The following PPARGC1A variants were observed in gnomAD, a reference collection of about 807,000 sequenced individuals.
PPARGC1A encodes peroxisome proliferator-activated receptor gamma coactivator 1-alpha.
In PPARGC1A, 25 loss-of-function variants were observed where a neutral mutation model predicts 88.7. The ratio of observed to expected loss-of-function variants is 0.28; its 90% CI spans 0.21 to 0.39. The LOEUF (loss-of-function observed/expected upper bound fraction) is 0.39, where lower values mean the gene tolerates loss of function less well. Among genes scored for constraint, PPARGC1A ranks in the 10% least tolerant of loss-of-function variants. The pLI, the probability that PPARGC1A is intolerant of heterozygous loss-of-function variation, is 1.00. For synonymous variants in PPARGC1A, 363 were observed against 355.6 expected, an observed-to-expected ratio of 1.02 and a Z score of -0.24; for missense variants, 880 against 968.7, an observed-to-expected ratio of 0.91 and a Z score of 1.22.
chr4:24,400,041 C>T, the PPARGC1A span, among the ~76,000 whole-genome samples: 2 of 152,040 alleles, frequency 1.3e-5, no homozygotes, highest in Admixed American at 1.3e-4. Context: ...CCGCCTCAGC[C>T]TCCCAAAATG....
At chr4:24,300,892 G>C in the PPARGC1A span, among the ~76,000 whole-genome samples, 1 of 152,016 alleles carries the variant, frequency 6.6e-6, no homozygotes, top group Non-Finnish European at 1.5e-5. Flanking sequence ...TGAAACATAG[G>C]AACAGTGGCT....
the PPARGC1A span, among the ~76,000 whole-genome samples, chr4:24,247,044 T>C: frequency 1.3e-5 from 2 of 152,350 alleles, no homozygotes; most frequent in East Asian, 1.9e-4. Context: ...TCTTTCTTCC[T>C]TGAGTCTTGG....
the PPARGC1A span, among the ~76,000 whole-genome samples, chr4:24,028,984 AAG>A: frequency 6.6e-6 from 1 of 152,230 alleles, no homozygotes; most frequent in Admixed American, 6.5e-5. Flanking sequence ...AAAAAAGAGG[AAG>A]AGAGGGAATC....
chr4:23,825,582 C>T (rs1723781488), intron 5 of PPARGC1A, among the ~76,000 whole-genome samples: 1 of 152,082 alleles, frequency 6.6e-6, no homozygotes, highest in Non-Finnish European at 1.5e-5. Flanking sequence ...TTCCTTTATC[C>T]TATTGTCAAA....
In PPARGC1A at chr4:23,874,922, T is replaced by C. The variant is rs57518199; in HGVS notation, c.234+9830A>G. On this transcript the variant is annotated intron_variant, in intron 2 of 12. Coordinates refer to ENST00000264867, the MANE Select transcript of PPARGC1A (RefSeq NM_013261.5). The stretch of plus-strand genomic sequence containing the variant: ...AAGAACAACACAATTTATCCAAATG[T>C]GGGATGAAATGAAGGAACCAGGCAC... Among the ~76,000 whole-genome samples, 710 of 152,324 alleles carry C rather than the reference T, an allele frequency of 4.7e-3. 6 individuals carry two copies. The highest frequency in any genetic ancestry group is 0.015 in the African/African-American group (637 of 41,576).
chr4:23,947,980 A>G, the PPARGC1A span, among the ~76,000 whole-genome samples: 1 of 152,150 alleles, frequency 6.6e-6, no homozygotes, highest in Non-Finnish European at 1.5e-5. Flanking sequence ...ACAGTCCCTC[A>G]GGAAGAGCTT....
the PPARGC1A span, among the ~76,000 whole-genome samples, chr4:24,323,707 C>T: frequency 3.9e-5 from 6 of 152,352 alleles, no homozygotes; most frequent in Admixed American, 2.0e-4. Context: ...TTCACACGGA[C>T]GTGCATGAAG....
chr4:23,865,869 G>C (rs1024952883), intron 2 of PPARGC1A, among the ~76,000 whole-genome samples: 1 of 152,180 alleles, frequency 6.6e-6, no homozygotes, highest in African/African-American at 2.4e-5. Context: ...CTGATGAAAT[G>C]AGTGGAAACT....
At chr4:23,994,807 A>T in the PPARGC1A span, among the ~76,000 whole-genome samples, 1 of 152,174 alleles carries the variant, frequency 6.6e-6, no homozygotes, top group African/African-American at 2.4e-5. Context: ...AATGACAGTG[A>T]CTAGACATCA....
At chr4:24,378,124 G>A in the PPARGC1A span, among the ~76,000 whole-genome samples, 1 of 152,194 alleles carries the variant, frequency 6.6e-6, no homozygotes, top group East Asian at 1.9e-4. Flanking sequence ...ATCACCTGAG[G>A]TCAGGAGTTT....
the PPARGC1A span, among the ~76,000 whole-genome samples, chr4:24,071,632 C>T: frequency 6.6e-6 from 1 of 152,104 alleles, no homozygotes; most frequent in Non-Finnish European, 1.5e-5. Context: ...TTTAAATGGT[C>T]TAACTTTCTA....
chr4:24,106,269 T>C, the PPARGC1A span, among the ~76,000 whole-genome samples: 7,607 of 152,222 alleles, frequency 0.05, 610 homozygotes, highest in African/African-American at 0.17. Flanking sequence ...TTCTTATGAA[T>C]TTCCCAGTCT....
the PPARGC1A span, among the ~76,000 whole-genome samples, chr4:24,112,409 T>G: frequency 6.6e-6 from 1 of 152,182 alleles, no homozygotes; most frequent in African/African-American, 2.4e-5. Flanking sequence ...TAAAACACCA[T>G]GTACACCCTA....
Position 23,801,804 on chromosome 4 carries a change from C to G in PPARGC1A, c.2219G>C (p.Arg740Thr), listed in dbSNP as rs889287589. Residue 740 changes from arginine (R) to threonine (T), a missense_variant, in exon 12 of 13, where the codon AGG becomes ACG. By Grantham distance (71) the Arg-to-Thr change is moderately conservative. Transcript: ENST00000264867. The stretch of plus-strand genomic sequence containing the variant: ...CAGCTCAAAGTCAGTTTCGTTTGAC[C>G]TGCGCAAAGTGTATCCATTTTCAAG... ...AALENGYTLRRSNETDFELYF... is the reference protein window; with the variant it reads ...AALENGYTLRTSNETDFELYF... 1.2e-6 allele frequency: 2 copies of G among 1,613,968 alleles called. No homozygotes were observed. The highest frequency in any genetic ancestry group is 1.1e-5 in the South Asian group (1 of 91,080).
the PPARGC1A span, among the ~76,000 whole-genome samples, chr4:23,936,779 G>T: frequency 6.6e-6 from 1 of 152,170 alleles, no homozygotes; most frequent in African/African-American, 2.4e-5. Context: ...GCTGAGGCAG[G>T]AGAATCGCTT....
chr4:23,954,157 G>A, the PPARGC1A span, among the ~76,000 whole-genome samples: 1 of 151,752 alleles, frequency 6.6e-6, no homozygotes, highest in Non-Finnish European at 1.5e-5. Context: ...AGTGTTTCTA[G>A]GATGAAAGAA....
chr4:24,072,870 G>T, the PPARGC1A span, among the ~76,000 whole-genome samples: 2 of 152,026 alleles, frequency 1.3e-5, no homozygotes, highest in African/African-American at 4.8e-5. Context: ...CAAGAATAGT[G>T]TTCCTTTAGT....
At chr4:24,407,829 G>T in the PPARGC1A span, among the ~76,000 whole-genome samples, 20 of 152,122 alleles carry the variant, frequency 1.3e-4, no homozygotes, top group African/African-American at 2.2e-4. Context: ...CTGAAATGCT[G>T]CCTGACACAT....
the PPARGC1A span, among the ~76,000 whole-genome samples, chr4:24,326,351 C>T: frequency 0.46 from 66,436 of 146,006 alleles, 14,061 homozygotes; most frequent in Admixed American, 0.61. Context: ...TCAGGATCTG[C>T]GCCTTATCAA....
Sources: allele counts gnomAD v4.1 joint callset (sites outside exome capture counted in the v4.1 genomes callset), GRCh38; gene constraint gnomAD v4.1.1; transcripts MANE v1.5; gene names NCBI Gene and HGNC (gene_info 2026-07-23, HGNC 2026-07-21).